The following HEMGN variants were observed in gnomAD, a reference collection of about 807,000 sequenced individuals.
HEMGN encodes erythroid differentiation-associated gene protein.
In HEMGN, 32 loss-of-function variants were observed where a neutral mutation model predicts 45.7. The ratio of observed to expected loss-of-function variants is 0.70; its 90% CI spans 0.53 to 0.94. The LOEUF is 0.94. Ranked by LOEUF, HEMGN falls within the 40% of genes least tolerant of loss-of-function variation. The probability of loss-of-function intolerance (pLI) is 0.00; values close to 1 mark genes in which losing one functional copy is unlikely to be tolerated. For synonymous variants in HEMGN, 183 were observed against 178.6 expected, an observed-to-expected ratio of 1.02 and a Z score of -0.20; for missense variants, 530 against 564.2, an observed-to-expected ratio of 0.94 and a Z score of 0.61.
chr9:97,942,282 T>C (rs1219555553), upstream of HEMGN, among the ~76,000 whole-genome samples: 2 of 150,358 alleles, frequency 1.3e-5, no homozygotes, highest in African/African-American at 4.9e-5. Context: ...TTCTTTTTTT[T>C]TTTTTTTTTT....
chr9:97,929,420 T>C (rs1464009153), intron 3 of HEMGN, among the ~76,000 whole-genome samples: 1 of 152,210 alleles, frequency 6.6e-6, no homozygotes, highest in African/African-American at 2.4e-5. Flanking sequence ...CTGTCTACAG[T>C]ATTGTACAAA....
upstream of HEMGN, among the ~76,000 whole-genome samples, chr9:97,939,230 A>G (rs1827116944): frequency 6.6e-6 from 1 of 152,210 alleles, no homozygotes; most frequent in Non-Finnish European, 1.5e-5. Context: ...TATCTATAAC[A>G]TGGGGACAAT....
upstream of HEMGN, among the ~76,000 whole-genome samples, chr9:97,938,753 T>C (rs148044490): frequency 1.4e-3 from 210 of 152,342 alleles, 2 homozygotes; most frequent in Non-Finnish European, 2.3e-3. Flanking sequence ...CAAAATAATG[T>C]ACAGTTTTGC....
At chr9:97,932,180 C>T (rs913563211) in intron 2 of HEMGN, among the ~76,000 whole-genome samples, 1 of 152,132 alleles carries the variant, frequency 6.6e-6, no homozygotes, top group African/African-American at 2.4e-5. Context: ...ATGTAGGCTG[C>T]CTCATACTGT....
At chr9:97,929,880 C>T (rs1055106410) in intron 3 of HEMGN, among the ~76,000 whole-genome samples, 155 bp downstream of exon 3, 5 of 152,134 alleles carry the variant, frequency 3.3e-5, no homozygotes, top group African/African-American at 1.2e-4. Flanking sequence ...CCAAGACAGA[C>T]GTTGGTTGCA....
In HEMGN at chr9:97,930,523, ATT is replaced by A; in HGVS notation, c.870_871del (p.Ile291SerfsTer2). ...AGGAAAAAGGCCTTCTGTCTCAGCT[ATT>A]CCTTGATCTGTTTCATTGTATTCCT... On this transcript the variant is annotated frameshift_variant, in exon 3 of 4. Transcript: ENST00000616898. LOFTEE classifies it high-confidence loss of function. 3.1e-6 allele frequency: 5 copies of A among 1,614,090 alleles called. No homozygotes were observed. Among genetic ancestry groups the A allele is most frequent in the Non-Finnish European group, 4.2e-6 (5 of 1,179,984 alleles).
intron 1 of HEMGN, among the ~76,000 whole-genome samples, chr9:97,936,652 A>C (rs749290392): frequency 1.3e-5 from 2 of 152,192 alleles, no homozygotes; most frequent in African/African-American, 2.4e-5. Context: ...AGTTGTAAGA[A>C]TAGCATACCA....
chr9:97,936,528 G>A lies in HEMGN; in HGVS notation c.80-264C>T, dbSNP rs141815715. ...CTACCAACCTATTAATTTCTTCAAA[G>A]TAATTTTATATATTGTACAAATAAT... On this transcript the variant is annotated intron_variant, in intron 1 of 3. Coordinates refer to ENST00000616898, the MANE Select transcript of HEMGN (RefSeq NM_197978.3). Among the ~76,000 whole-genome samples the A allele has an allele frequency of 5.6e-3, 846 of 152,284 alleles. 3 individuals carry two copies. The highest frequency in any genetic ancestry group is 9.1e-3 in the Non-Finnish European group (619 of 68,012).
In HEMGN at chr9:97,930,931, A is replaced by G. The variant is rs1826937417; in HGVS notation, c.464T>C (p.Val155Ala). ...ENFSEYQEIA[V>A]QNHSSETCQH... The stretch of plus-strand genomic sequence containing the variant: ...GCATGTTTCAGAAGAATGGTTTTGT[A>G]CTGCTATTTCTTGGTACTCAGAAAA... Residue 155 changes from valine (V) to alanine (A), a missense_variant, in exon 3 of 4, where the codon GTA (valine) becomes GCA (alanine). Coordinates refer to ENST00000616898, the MANE Select transcript of HEMGN (RefSeq NM_197978.3). The G allele has an allele frequency of 3.1e-6, 5 of 1,614,142 alleles. No individual in the cohort carries two copies. In the East Asian group the frequency reaches 1.1e-4, roughly 36 times the overall value.
In HEMGN at chr9:97,930,691, T is replaced by A; in HGVS notation, c.704A>T (p.Glu235Val). 1 of 1,614,242 alleles carries A rather than the reference T, an allele frequency of 6.2e-7. No individual in the cohort carries two copies. The highest frequency in any genetic ancestry group is 8.5e-7 in the Non-Finnish European group (1 of 1,180,040). Residue 235 changes from glutamate (E) to valine (V), a missense_variant, in exon 3 of 4, where the codon GAA becomes GTA. Transcript: ENST00000616898. ...REDLAPKMCQ[E>V]AAVPKILPCP... ...AGGAAGGATTTTGGGTACAGCAGCT[T>A]CTTGGCACATTTTAGGAGCCAGATC...
At position 97,930,486 on chromosome 9, in the gene HEMGN, T is replaced by G. The variant is rs763785625; in HGVS notation, c.909A>C (p.Glu303Asp). 20 of 1,613,970 alleles carry G rather than the reference T, an allele frequency of 1.2e-5. No homozygotes were observed. In the South Asian group the frequency reaches 2.2e-4, roughly 18 times the overall value. The change falls in exon 3 of 4, where the codon GAA becomes GAC. Residue 303 changes from glutamate to aspartate, a missense_variant. Transcript: ENST00000616898. Reference sequence around the variant, plus strand: ...TAGAAAGGTCTTTAGGCTCAGCTATTTCTTGTATTTTAGGAAAAAGGCCTT... The same window carrying G: ...TAGAAAGGTCTTTAGGCTCAGCTATGTCTTGTATTTTAGGAAAAAGGCCTT... ...ETEGLFPKIQ[E>D]IAEPKDLSTK...
rs1826993143 is a variant in HEMGN at position 97,933,366 on chromosome 9, T to C, written c.174-2145A>G. Among the ~76,000 whole-genome samples, 4 of 152,310 alleles carry C rather than the reference T, an allele frequency of 2.6e-5. No individual in the cohort carries two copies. In the South Asian group the frequency reaches 8.3e-4, roughly 32 times the overall value. ...CTCATATAATCTTCACATCAGTCTA[T>C]GAAGTAGGTAGTTATTATTTTCATT... On this transcript the variant is annotated intron_variant, in intron 2 of 3. Transcript: ENST00000616898.
chr9:97,927,456 T>C lies in HEMGN; in HGVS notation c.1383A>G (p.Glu461=), dbSNP rs778444150. The stretch of plus-strand genomic sequence containing the variant: ...TCAGAATTGCTGGTATTCCTGGCTC[T>C]TCTTTGGGTTTTTCTTTCATTTCTG... ...FPQEMKEKPK[E]EPGIPAILNE... The change falls in exon 4 of 4, where the codon GAA becomes GAG. Residue 461 remains glutamate, a synonymous_variant. Coordinates refer to ENST00000616898, the MANE Select transcript of HEMGN (RefSeq NM_197978.3). 6 of 1,607,456 alleles carry C rather than the reference T, an allele frequency of 3.7e-6. No individual in the cohort carries two copies. The highest frequency in any genetic ancestry group is 5.1e-6 in the Non-Finnish European group (6 of 1,175,068).
chr9:97,928,278 G>T (rs977149695), intron 3 of HEMGN, among the ~76,000 whole-genome samples: 3 of 151,616 alleles, frequency 2.0e-5, no homozygotes, highest in Non-Finnish European at 4.4e-5. Flanking sequence ...CGCCCACCTC[G>T]GCCTCCCAAC....
At chr9:97,932,803 C>CAAAA (rs5899328) in intron 2 of HEMGN, among the ~76,000 whole-genome samples, 22,278 of 86,538 alleles carry the variant, frequency 0.26, 2,403 homozygotes, top group Middle Eastern at 0.34. Context: ...GACTCTGTCT[C>CAAAA]AAAAAAAAAA....
In HEMGN at chr9:97,927,245, T is replaced by C; in HGVS notation, c.*139A>G. On this transcript the variant is annotated 3_prime_UTR_variant, in exon 4 of 4. Coordinates refer to ENST00000616898, the MANE Select transcript of HEMGN (RefSeq NM_197978.3). ...TGTGGTAGAGCCTTAAAAAATGTTA[T>C]TTCTTTCAGATATGGTCTACAAATA... is the stretch of plus-strand genomic sequence containing the variant. 1.8e-6 allele frequency: 1 copy of C among 556,988 alleles called. No individual in the cohort carries two copies. The highest frequency in any genetic ancestry group is 1.9e-5 in the African/African-American group (1 of 52,772). The allele number at this position is 556,988 out of a possible 1,614,324, so 34.5% of individuals were successfully genotyped here.
intron 2 of HEMGN, among the ~76,000 whole-genome samples, chr9:97,931,537 G>A (rs541891633): frequency 6.6e-6 from 1 of 152,270 alleles, no homozygotes; most frequent in Non-Finnish European, 1.5e-5. Context: ...GTTTTGTTAT[G>A]GAAAATAAAT....
chr9:97,938,131 A>G lies in HEMGN; in HGVS notation c.6T>C (p.Asp2=). Residue 2 remains aspartate (D), a synonymous_variant, in exon 1 of 4, where the codon GAT becomes GAC. Coordinates refer to ENST00000616898, the MANE Select transcript of HEMGN (RefSeq NM_197978.3). M[D]LGKDQSHLKH... Reference sequence around the variant, plus strand: ...TCAAATGAGATTGGTCCTTTCCCAAATCCATCTTGCTGCAATACCTTCCTG... The same window carrying G: ...TCAAATGAGATTGGTCCTTTCCCAAGTCCATCTTGCTGCAATACCTTCCTG... The G allele has an allele frequency of 6.2e-7, 1 of 1,610,852 alleles. No homozygotes were observed. The highest frequency in any genetic ancestry group is 8.5e-7 in the Non-Finnish European group (1 of 1,177,840).
At chr9:97,934,445 GA>G (rs1260407642) in intron 2 of HEMGN, among the ~76,000 whole-genome samples, 2 of 102,644 alleles carry the variant, frequency 1.9e-5, no homozygotes, top group Admixed American at 1.1e-4. Flanking sequence ...AGGGGGAGGG[GA>G]GGGGAGGGGG....
Sources: gnomAD v4.1 joint callset for allele counts (sites outside exome capture counted in the v4.1 genomes callset) on GRCh38, gnomAD v4.1.1 for gene constraint, MANE v1.5 for transcripts, NCBI Gene and HGNC (gene_info 2026-07-23, HGNC 2026-07-21) for gene names.